Variants in ULK4 observed in about 807,000 individuals in gnomAD.
ULK4 encodes the protein unc-51 like kinase 4.
ULK4 carries 133 observed loss-of-function variants against 160.6 expected under a neutral mutation model. That is an observed-to-expected ratio of 0.83 (90% CI 0.72 to 0.96). The LOEUF is 0.96. Among genes scored for constraint, ULK4 ranks in the 40% least tolerant of loss-of-function variants. The pLI is 0.00. For missense variants in ULK4, 1,580 were observed against 1,499.5 expected, an observed-to-expected ratio of 1.05 and a Z score of -0.89; for synonymous variants, 534 against 539.8, an observed-to-expected ratio of 0.99 and a Z score of 0.15.
intron 17 of ULK4, among the ~76,000 whole-genome samples, chr3:41,855,580 G>C (rs760941737): frequency 1.3e-5 from 2 of 152,172 alleles, no homozygotes; most frequent in African/African-American, 4.8e-5. Flanking sequence ...TTATGGCATA[G>C]AGAACTCCAA....
At position 41,822,892 on chromosome 3, in the gene ULK4, T is replaced by C. The variant is rs1207776369; in HGVS notation, c.1765-3386A>G. 2.0e-5 allele frequency among the ~76,000 whole-genome samples: 3 copies of C among 151,784 alleles called. No homozygotes were observed. The East Asian group carries it at 5.8e-4, about 29-fold the overall frequency. On this transcript the variant is annotated intron_variant, in intron 18 of 36. Transcript: ENST00000301831. ...GCCCACCACCACACCCGGCTAATTT[T>C]TTTGTATTTTTAGAAGAGACCGGTT...
chr3:41,825,464 T>C (rs1474972912), intron 18 of ULK4, among the ~76,000 whole-genome samples: 3 of 152,132 alleles, frequency 2.0e-5, no homozygotes, highest in Non-Finnish European at 2.9e-5. Context: ...GAGAAGTCCT[T>C]AAAGGACCTG....
At chr3:41,655,960 A>G (rs2034921466) in intron 30 of ULK4, among the ~76,000 whole-genome samples, 1 of 152,196 alleles carries the variant, frequency 6.6e-6, no homozygotes, top group Non-Finnish European at 1.5e-5. Flanking sequence ...CTGATGTGGA[A>G]GCTATCTTGT....
intron 27 of ULK4, among the ~76,000 whole-genome samples, chr3:41,704,734 C>T (rs1456365113): frequency 6.6e-6 from 1 of 152,084 alleles, no homozygotes; most frequent in African/African-American, 2.4e-5. Flanking sequence ...AATTGTCCAT[C>T]CCAAAATGCC....
intron 25 of ULK4, among the ~76,000 whole-genome samples, chr3:41,705,756 A>T (rs1671215726): frequency 6.6e-6 from 1 of 152,154 alleles, no homozygotes; most frequent in Non-Finnish European, 1.5e-5. Context: ...CGGCCTCCCA[A>T]AGAATCATTT....
chr3:41,744,815 A>T (rs1281439425), intron 22 of ULK4, among the ~76,000 whole-genome samples: 1 of 151,812 alleles, frequency 6.6e-6, no homozygotes, highest in Non-Finnish European at 1.5e-5. Flanking sequence ...ACTAAACTAC[A>T]AGACAAACCT....
At chr3:41,343,682 C>T (rs995813116) in intron 35 of ULK4, among the ~76,000 whole-genome samples, 1 of 152,124 alleles carries the variant, frequency 6.6e-6, no homozygotes, top group Non-Finnish European at 1.5e-5. Flanking sequence ...GTGCAAAAAT[C>T]GCTAGTATTC....
chr3:41,454,069 C>T (rs955061269), intron 34 of ULK4, among the ~76,000 whole-genome samples: 1 of 148,548 alleles, frequency 6.7e-6, no homozygotes, highest in African/African-American at 2.5e-5. Flanking sequence ...GGAGATATAC[C>T]TAATGTAAAT....
intron 34 of ULK4, among the ~76,000 whole-genome samples, chr3:41,442,994 T>C (rs149416929): frequency 6.6e-6 from 1 of 152,282 alleles, no homozygotes; most frequent in African/African-American, 2.4e-5. Context: ...TCATCCTGCT[T>C]TCTAATATGG....
intron 32 of ULK4, among the ~76,000 whole-genome samples, chr3:41,534,263 T>C (rs1028215338): frequency 1.3e-5 from 2 of 152,216 alleles, no homozygotes; most frequent in African/African-American, 2.4e-5. Flanking sequence ...CAAATATAAC[T>C]TCTTTAAATG....
At chr3:41,772,737 TG>T (rs1322139049) in intron 21 of ULK4, among the ~76,000 whole-genome samples, 1 of 152,212 alleles carries the variant, frequency 6.6e-6, no homozygotes. Context: ...AGCATCATCC[TG>T]ATACCAAAGC....
chr3:41,712,669 T>G (rs2037137962), intron 25 of ULK4, among the ~76,000 whole-genome samples: 1 of 152,096 alleles, frequency 6.6e-6, no homozygotes, highest in Admixed American at 6.5e-5. Context: ...GTGGGTGGAT[T>G]ACTTGAGTCC....
At chr3:41,923,765 A>C (rs931637243) in intron 5 of ULK4, among the ~76,000 whole-genome samples, 1 of 152,244 alleles carries the variant, frequency 6.6e-6, no homozygotes, top group African/African-American at 2.4e-5. Flanking sequence ...CCTGAACCCT[A>C]ACCTGTAGGT....
intron 35 of ULK4, among the ~76,000 whole-genome samples, chr3:41,283,646 G>A (rs192922706): frequency 5.2e-4 from 79 of 152,220 alleles, no homozygotes; most frequent in Non-Finnish European, 8.4e-4. Context: ...GCCTCTCAGC[G>A]GGTAGGGGGC....
rs1196625069 is a variant in ULK4, at chr3:41,295,560, T to C, written c.3679-45986A>G. Among the ~76,000 whole-genome samples, 2 of 124,790 alleles carry C rather than the reference T, an allele frequency of 1.6e-5. 1 individual carries two copies. The highest frequency in any genetic ancestry group is 3.6e-5 in the Non-Finnish European group (2 of 56,054). 81.9% of individuals were successfully genotyped at this position (124,790 alleles called of 152,430 possible). Reference sequence around the variant, plus strand: ...ACATCTGATAGACTGTTATAAAAAATACACAAAGAATTCTTAAAACTGAAC... The same window carrying C: ...ACATCTGATAGACTGTTATAAAAAACACACAAAGAATTCTTAAAACTGAAC... On this transcript the variant is annotated intron_variant, in intron 35 of 36. Transcript: ENST00000301831.
At chr3:41,457,007 A>C (rs1374677286) in intron 33 of ULK4, among the ~76,000 whole-genome samples, 2 of 152,192 alleles carry the variant, frequency 1.3e-5, no homozygotes. Context: ...CACTTCCCTG[A>C]CTAACTTTAT....
At chr3:41,795,325 C>G (rs1200081253) in intron 20 of ULK4, among the ~76,000 whole-genome samples, 3 of 152,184 alleles carry the variant, frequency 2.0e-5, no homozygotes, top group Non-Finnish European at 1.5e-5. Flanking sequence ...GCTGTTCCCC[C>G]ACCTGCCTTT....
intron 19 of ULK4, among the ~76,000 whole-genome samples, chr3:41,808,317 G>A (rs1329021590): frequency 2.6e-5 from 4 of 152,176 alleles, no homozygotes; most frequent in Admixed American, 2.0e-4. Context: ...TTGTCAGTCA[G>A]TTCCTAGGAC....
intron 1 of ULK4, among the ~76,000 whole-genome samples, chr3:41,958,467 C>G (rs976267717): frequency 6.6e-6 from 1 of 151,000 alleles, no homozygotes; most frequent in South Asian, 2.1e-4. Flanking sequence ...TTTGGGAGGT[C>G]GAGTCGGACG....
Sources: allele counts gnomAD v4.1 joint callset (sites outside exome capture counted in the v4.1 genomes callset), GRCh38; gene constraint gnomAD v4.1.1; transcripts MANE v1.5; gene names NCBI Gene and HGNC (gene_info 2026-07-23, HGNC 2026-07-21).